Variants in CKLF observed in about 807,000 individuals in gnomAD.
CKLF encodes chemokine-like factor.
CKLF carries 16 observed loss-of-function variants against 12.9 expected under a neutral mutation model. That is an observed-to-expected ratio of 1.24 (90% confidence interval 0.84 to 1.88). The LOEUF (loss-of-function observed/expected upper bound fraction) is 1.88, where lower values mean the gene tolerates loss of function less well. Ranked by LOEUF, CKLF falls within the 40% of genes most tolerant of loss-of-function variation. CKLF has a pLI of 0.00. For synonymous variants in CKLF, 61 were observed against 69.0 expected (o/e 0.88, Z 0.57); for missense variants, 172 against 188.5 (o/e 0.91, Z 0.51).
chr16:66,552,653 C>G lies in CKLF; in HGVS notation c.-63C>G, dbSNP rs915042848. 1.2e-6 allele frequency: 2 copies of G among 1,611,240 alleles called. No homozygotes were observed. The highest frequency in any genetic ancestry group is 1.1e-5 in the South Asian group (1 of 91,022). ...TGGCGGTTGCTATCGCTTCGCAGAACCTACTCAGGCAGCCAGCTGAGAAGA... is the reference window on the plus strand; with the variant it reads ...TGGCGGTTGCTATCGCTTCGCAGAAGCTACTCAGGCAGCCAGCTGAGAAGA... On this transcript the variant is annotated 5_prime_UTR_variant, in exon 1 of 4. Transcript: ENST00000264001.
At chr16:66,561,489 C>T (rs1245114496) in intron 2 of CKLF, among the ~76,000 whole-genome samples, 1 of 151,182 alleles carries the variant, frequency 6.6e-6, no homozygotes, top group Non-Finnish European at 1.5e-5. Flanking sequence ...CTTTTTTTTT[C>T]CCCCTGTGGT....
chr16:66,560,822 C>T (rs2011660918), intron 2 of CKLF, among the ~76,000 whole-genome samples: 1 of 151,962 alleles, frequency 6.6e-6, no homozygotes, highest in Non-Finnish European at 1.5e-5. Context: ...CACACACACA[C>T]ACACACACAC....
intron 1 of CKLF, among the ~76,000 whole-genome samples, chr16:66,557,743 C>G (rs1018091636): frequency 1.1e-4 from 16 of 152,120 alleles, no homozygotes; most frequent in African/African-American, 3.9e-4. Flanking sequence ...AGAAAAGGAG[C>G]TAGCAGAGGA....
chr16:66,554,470 T>C (rs2011332428), intron 1 of CKLF, among the ~76,000 whole-genome samples: 1 of 152,248 alleles, frequency 6.6e-6, no homozygotes, highest in Non-Finnish European at 1.5e-5. Flanking sequence ...ATCTGTGTAA[T>C]GCCTGTCATG....
Position 66,563,081 on chromosome 16 carries a change from G to A in CKLF, c.238-41G>A, listed in dbSNP as rs1219587863. On this transcript the variant is annotated intron_variant, in intron 2 of 3. Transcript: ENST00000264001. ...TGTTTTTCCTTTTTAGCATTGCTTG[G>A]TAGTCTTCATGTAAGGCTCAGCTTT... 21 of 1,608,748 alleles carry A rather than the reference G, an allele frequency of 1.3e-5. No homozygotes were observed. The Admixed American group carries it at 3.4e-4, about 26-fold the overall frequency.
In CKLF at chr16:66,552,627, G is replaced by A. The variant is rs1176725630; in HGVS notation, c.-89G>A. On this transcript the variant is annotated 5_prime_UTR_variant, in exon 1 of 4. The change creates a new upstream start codon in the 5' untranslated region. Transcript: ENST00000264001. ...TAGGGGAGGGCGGTGCTCCGCCGCG[G>A]TGGCGGTTGCTATCGCTTCGCAGAA... 1 of 1,598,104 alleles carries A rather than the reference G, an allele frequency of 6.3e-7. No individual in the cohort carries two copies. Among genetic ancestry groups the A allele is most frequent in the Non-Finnish European group, 8.6e-7 (1 of 1,167,524 alleles).
Position 66,552,686 on chromosome 16 carries a change from G to C in CKLF, c.-30G>C. ...GGCAGCCAGCTGAGAAGAGTTGAGG[G>C]AAAGTGCTGCTGCTGGGTCTGCAGA... On this transcript the variant is annotated 5_prime_UTR_variant, in exon 1 of 4. Transcript: ENST00000264001. The C allele has an allele frequency of 1.2e-6, 2 of 1,614,126 alleles. No homozygotes were observed. The highest frequency in any genetic ancestry group is 2.2e-5 in the South Asian group (2 of 91,090).
intron 3 of CKLF, among the ~76,000 whole-genome samples, chr16:66,563,947 C>G (rs1567552009): frequency 6.6e-6 from 1 of 152,194 alleles, no homozygotes; most frequent in African/African-American, 2.4e-5. Flanking sequence ...CATGTTCTTT[C>G]ATAGTATGGG....
intron 1 of CKLF, 102 bp from the exon 2 acceptor site, chr16:66,558,088 A>C: frequency 6.6e-7 from 1 of 1,524,664 alleles, no homozygotes; most frequent in Non-Finnish European, 8.8e-7. Flanking sequence ...GATTATAGGC[A>C]TGACCCACTG....
intron 1 of CKLF, among the ~76,000 whole-genome samples, chr16:66,554,407 T>C (rs889003012): frequency 3.3e-5 from 5 of 152,146 alleles, no homozygotes; most frequent in Non-Finnish European, 2.9e-5. Flanking sequence ...AATAGCACAA[T>C]TGATGCAGAG....
chr16:66,560,024 C>T (rs1021712272), intron 2 of CKLF, among the ~76,000 whole-genome samples: 20 of 152,054 alleles, frequency 1.3e-4, no homozygotes, highest in African/African-American at 4.8e-4. Flanking sequence ...GAGATATACA[C>T]CTAGGATGGC....
intron 2 of CKLF, 138 bp from the exon 3 acceptor site, chr16:66,562,984 G>A (rs2011842795): frequency 2.2e-6 from 2 of 895,922 alleles, no homozygotes; most frequent in African/African-American, 3.4e-5. Flanking sequence ...CCAAAGTGCT[G>A]GGATTACAGG....
intron 3 of CKLF, among the ~76,000 whole-genome samples, chr16:66,565,164 T>C (rs916022758): frequency 7.9e-5 from 12 of 152,028 alleles, no homozygotes; most frequent in African/African-American, 2.9e-4. Flanking sequence ...AAAAGGAGAC[T>C]GTGAGAGCCA....
chr16:66,558,689 A>C (rs185759239), intron 2 of CKLF, among the ~76,000 whole-genome samples: 1 of 152,350 alleles, frequency 6.6e-6, no homozygotes, highest in East Asian at 1.9e-4. Context: ...ATTTGGATGC[A>C]TGTTAATATG....
chr16:66,563,520 T>G (rs1488874581), intron 3 of CKLF, among the ~76,000 whole-genome samples: 1 of 152,210 alleles, frequency 6.6e-6, no homozygotes, highest in African/African-American at 2.4e-5. Flanking sequence ...CACTTAGCTC[T>G]GAGAAACCTG....
intron 1 of CKLF, among the ~76,000 whole-genome samples, chr16:66,555,719 T>G (rs1391592973): frequency 1.3e-5 from 2 of 152,058 alleles, no homozygotes; most frequent in Non-Finnish European, 1.5e-5. Flanking sequence ...ACTGAAGAAT[T>G]TTAAATAGAT....
chr16:66,558,525 T>G, intron 2 of CKLF, 177 bp downstream of exon 2: 1 of 801,068 alleles, frequency 1.2e-6, no homozygotes, highest in Non-Finnish European at 1.8e-6. Context: ...GTCTCAAGGA[T>G]GCAGGGCAGC....
At chr16:66,559,914 A>G (rs1483408056) in intron 2 of CKLF, among the ~76,000 whole-genome samples, 1 of 151,716 alleles carries the variant, frequency 6.6e-6, no homozygotes, top group African/African-American at 2.4e-5. Context: ...CTAATCCTAG[A>G]TTCTGTAATT....
downstream of CKLF, chr16:66,566,095 A>G (rs1487112938): frequency 6.2e-7 from 1 of 1,611,920 alleles, no homozygotes; most frequent in African/African-American, 1.3e-5. The surrounding 1 kb of genome is among the most constrained non-coding windows in gnomAD (Gnocchi z 4.9). Flanking sequence ...ATTTTAACTC[A>G]GTATAGGAGC....
Sources: gnomAD v4.1 joint callset for allele counts (sites outside exome capture counted in the v4.1 genomes callset) on GRCh38, gnomAD v4.1.1 for gene constraint, Gnocchi (gnomAD v3.1) non-coding constraint, MANE v1.5 for transcripts, NCBI Gene and HGNC (gene_info 2026-07-23, HGNC 2026-07-21) for gene names.